The following DLG2 variants were observed in gnomAD, a reference collection of about 807,000 sequenced individuals.
The protein encoded by DLG2 is disks large homolog 2.
Under a neutral mutation model 132.5 loss-of-function variants are expected in DLG2, and 45 were observed. The ratio of observed to expected loss-of-function variants is 0.34; its 90% CI spans 0.27 to 0.44. The LOEUF (loss-of-function observed/expected upper bound fraction) is 0.44. Among genes scored for constraint, DLG2 ranks in the 20% least tolerant of loss-of-function variants. The pLI, the probability that DLG2 is intolerant of heterozygous loss-of-function variation, is 1.00. For synonymous variants in DLG2, 424 were observed against 419.6 expected (o/e 1.01, Z -0.13); for missense variants, 1,045 against 1,196.9 (o/e 0.87, Z 1.87).
intron 25 of DLG2, among the ~76,000 whole-genome samples, 188 bp downstream of exon 25, chr11:83,469,013 C>G (rs1367896273): frequency 6.6e-6 from 1 of 151,626 alleles, no homozygotes; most frequent in Non-Finnish European, 1.5e-5. Context: ...AGTGAGAATA[C>G]TTTATTGAAA....
intron 2 of DLG2, among the ~76,000 whole-genome samples, chr11:85,607,411 C>T (rs973877931): frequency 2.6e-5 from 4 of 152,214 alleles, no homozygotes; most frequent in Non-Finnish European, 5.9e-5. Flanking sequence ...ATGAGTGAAA[C>T]TCAAAGTCAT....
At chr11:84,260,882 T>A (rs747878165) in intron 7 of DLG2, among the ~76,000 whole-genome samples, 1 of 152,110 alleles carries the variant, frequency 6.6e-6, no homozygotes, top group Non-Finnish European at 1.5e-5. Flanking sequence ...TTTATGCAAA[T>A]GATTTCTGAA....
intron 3 of DLG2, among the ~76,000 whole-genome samples, chr11:85,331,218 G>A (rs2081714447): frequency 6.6e-6 from 1 of 152,010 alleles, no homozygotes. Context: ...TCAACTAGCA[G>A]GCCAAAACTG....
intron 3 of DLG2, among the ~76,000 whole-genome samples, chr11:85,590,635 C>T (rs1192242403): frequency 6.7e-6 from 1 of 149,468 alleles, no homozygotes; most frequent in Non-Finnish European, 1.5e-5. Context: ...TTTTTATATT[C>T]TCTCTCTCTC....
At chr11:84,328,442 G>A (rs1193410573) in intron 7 of DLG2, among the ~76,000 whole-genome samples, 2 of 152,092 alleles carry the variant, frequency 1.3e-5, no homozygotes, top group Non-Finnish European at 2.9e-5. Flanking sequence ...AAATATAAAT[G>A]GACATTTCTT....
At chr11:84,813,390 T>A (rs775844912) in intron 6 of DLG2, among the ~76,000 whole-genome samples, 20 of 152,064 alleles carry the variant, frequency 1.3e-4, no homozygotes, top group Non-Finnish European at 2.2e-4. Flanking sequence ...AGGAGATAAC[T>A]GAGGTACAGA....
intron 7 of DLG2, chr11:84,273,166 T>C: frequency 2.6e-6 from 4 of 1,543,616 alleles, no homozygotes; most frequent in Non-Finnish European, 3.5e-6. Flanking sequence ...TAAATGCATG[T>C]TGCATAGCTT....
chr11:85,470,133 G>C (rs1201643247), intron 3 of DLG2, among the ~76,000 whole-genome samples: 1 of 141,434 alleles, frequency 7.1e-6, no homozygotes, highest in Non-Finnish European at 1.5e-5. Flanking sequence ...TTTCTCCCTA[G>C]ATACCAACAA....
intron 3 of DLG2, among the ~76,000 whole-genome samples, chr11:85,369,012 AT>A (rs34003710): frequency 6.6e-6 from 1 of 152,194 alleles, no homozygotes; most frequent in Non-Finnish European, 1.5e-5. Flanking sequence ...GTCCTGCAAC[AT>A]TTTTGGCACC....
chr11:84,844,610 C>T (rs1158612133), intron 6 of DLG2, among the ~76,000 whole-genome samples: 1 of 151,928 alleles, frequency 6.6e-6, no homozygotes, highest in Non-Finnish European at 1.5e-5. Flanking sequence ...TTTTATTTCT[C>T]CTTTCAGACT....
intron 4 of DLG2, among the ~76,000 whole-genome samples, chr11:85,235,463 A>T (rs1022480911): frequency 6.6e-6 from 1 of 151,996 alleles, no homozygotes; most frequent in Non-Finnish European, 1.5e-5. Flanking sequence ...AATTATAGTA[A>T]GAAAAGTTTA....
chr11:84,830,257 A>G (rs1210068892), intron 6 of DLG2, among the ~76,000 whole-genome samples: 1 of 151,480 alleles, frequency 6.6e-6, no homozygotes, highest in Non-Finnish European at 1.5e-5. Flanking sequence ...AGGCTTAACT[A>G]TTCTGTGCCA....
intron 4 of DLG2, among the ~76,000 whole-genome samples, chr11:85,263,801 GT>G (rs2077064765): frequency 6.6e-6 from 1 of 152,156 alleles, no homozygotes; most frequent in Admixed American, 6.5e-5. Context: ...TAGGGGAGAG[GT>G]CCCCATACGG....
At chr11:84,880,756 T>C (rs2087186694) in intron 6 of DLG2, among the ~76,000 whole-genome samples, 1 of 152,162 alleles carries the variant, frequency 6.6e-6, no homozygotes, top group Non-Finnish European at 1.5e-5. Flanking sequence ...GTGTTCAGAA[T>C]GCTTATTGCA....
intron 7 of DLG2, among the ~76,000 whole-genome samples, chr11:84,279,647 C>T (rs929516939): frequency 6.6e-6 from 1 of 152,072 alleles, no homozygotes; most frequent in Non-Finnish European, 1.5e-5. Flanking sequence ...GATGAGTTCT[C>T]ATCTTTTGCA....
chr11:84,017,068 G>GA (rs1056112002), intron 11 of DLG2, among the ~76,000 whole-genome samples: 4 of 151,256 alleles, frequency 2.6e-5, no homozygotes, highest in African/African-American at 9.7e-5. Context: ...AGACTTCAAG[G>GA]AAAAAAAAGG....
At position 83,755,496 on chromosome 11, in the gene DLG2, C is replaced by T. The variant is rs1373966146; in HGVS notation, c.1825+31194G>A. 1.3e-5 allele frequency among the ~76,000 whole-genome samples: 2 copies of T among 151,082 alleles called. 1 individual carries two copies. The highest frequency in any genetic ancestry group is 4.9e-5 in the African/African-American group (2 of 40,538). On this transcript the variant is annotated intron_variant, in intron 18 of 27. Transcript: ENST00000376104. ...TAGACAGTATATTTAAGTTCATTAA[C>T]AAAGGGTAAATATAGGAATGTTTTA...
chr11:84,088,581 G>A (rs2097032911), intron 10 of DLG2, among the ~76,000 whole-genome samples: 2 of 152,232 alleles, frequency 1.3e-5, no homozygotes, highest in Admixed American at 6.5e-5. Flanking sequence ...AAATTTTCTT[G>A]TGTAACATAA....
chr11:85,470,141 C>A lies in DLG2; in HGVS notation c.40+128516G>T, dbSNP rs1445170710. Reference sequence around the variant, plus strand: ...AGAATATTTTCTCCCTAGATACCAACAATGTAAAAAAAAAAAAAAGTAACT... The same window carrying A: ...AGAATATTTTCTCCCTAGATACCAAAAATGTAAAAAAAAAAAAAAGTAACT... On this transcript the variant is annotated intron_variant, in intron 3 of 27. Coordinates refer to ENST00000376104, the MANE Select transcript of DLG2 (RefSeq NM_001142699.3). 2.7e-4 allele frequency among the ~76,000 whole-genome samples: 37 copies of A among 136,760 alleles called. No individual in the cohort carries two copies. In the East Asian group the frequency reaches 5.8e-3, roughly 21 times the overall value. 89.7% of individuals were successfully genotyped at this position (136,760 alleles called of 152,430 possible). A position where few individuals can be genotyped will look rare whatever the true frequency, so the allele number is the denominator to read the frequency against.
Sources: allele counts gnomAD v4.1 joint callset (sites outside exome capture counted in the v4.1 genomes callset), GRCh38; gene constraint gnomAD v4.1.1; transcripts MANE v1.5; gene names NCBI Gene and HGNC (gene_info 2026-07-23, HGNC 2026-07-21).